FMC1: variants seen among roughly 807,000 people sequenced by gnomAD.
FMC1 encodes protein FMC1 homolog.
FMC1 carries 6 observed loss-of-function variants against 10.5 expected under a neutral mutation model. The observed-to-expected ratio is 0.57, with a 90% CI of 0.31 to 1.12. The LOEUF is 1.12. Ranked by LOEUF, FMC1 falls within the 50% of genes most tolerant of loss-of-function variation. The probability of loss-of-function intolerance (pLI) is 0.05; values close to 1 mark genes in which losing one functional copy is unlikely to be tolerated. For missense variants in FMC1, 146 were observed against 151.7 expected, an observed-to-expected ratio of 0.96 and a Z score of 0.20; for synonymous variants, 59 against 62.1, an observed-to-expected ratio of 0.95 and a Z score of 0.24.
chr7:139,341,035 C>T (rs931772180), upstream of FMC1: 7 of 223,210 alleles, frequency 3.1e-5, no homozygotes, highest in Non-Finnish European at 6.2e-5. Context: ...CAAATCCACA[C>T]CCACACCCCC....
At chr7:139,345,075 A>T in intron 1 of FMC1, 1 of 159,476 alleles carries the variant, frequency 6.3e-6, no homozygotes, top group South Asian at 1.7e-4. Context: ...ACAGAAATAT[A>T]AATAAAGCAG....
intron 1 of FMC1, among the ~76,000 whole-genome samples, chr7:139,345,147 G>C (rs6943973): frequency 0.39 from 58,936 of 151,966 alleles, 15,941 homozygotes; most frequent in African/African-American, 0.77. Flanking sequence ...CATTAATGAT[G>C]AGTGACCTAA....
At chr7:139,341,658 A>G in intron 1 of FMC1, 136 bp downstream of exon 1, 1 of 1,423,148 alleles carries the variant, frequency 7.0e-7, no homozygotes, top group Non-Finnish European at 9.3e-7. Flanking sequence ...GTTCTGACCA[A>G]ACCAACCCAG....
upstream of FMC1, chr7:139,340,593 G>C (rs1038649382): frequency 2.5e-6 from 1 of 397,522 alleles, no homozygotes. Flanking sequence ...CCTCACGTGG[G>C]CGCTAGGTGT....
chr7:139,345,442 T>C (rs1385014184), intron 1 of FMC1, 59 bp from the exon 2 acceptor site: 22 of 1,599,632 alleles, frequency 1.4e-5, no homozygotes, highest in African/African-American at 2.7e-5. Context: ...TATTAAATCT[T>C]TCTCTGTGGA....
chr7:139,343,546 C>G (rs992191684), intron 1 of FMC1, among the ~76,000 whole-genome samples: 6 of 152,116 alleles, frequency 3.9e-5, no homozygotes, highest in African/African-American at 1.2e-4. Flanking sequence ...TACCACTGCT[C>G]TCCAGCATAG....
At chr7:139,345,414 C>A in intron 1 of FMC1, 87 bp from the exon 2 acceptor site, 1 of 1,544,820 alleles carries the variant, frequency 6.5e-7, no homozygotes, top group African/African-American at 1.4e-5. Flanking sequence ...TTTACTTTCA[C>A]TCTAGTGAAT....
At chr7:139,341,301 G>A (rs559317376), upstream of FMC1, 4 of 1,527,678 alleles carry the variant, frequency 2.6e-6, no homozygotes, top group Non-Finnish European at 8.8e-7. Flanking sequence ...CTGTCCGACC[G>A]TACCATTAGG....
At chr7:139,342,545 G>T (rs116017787) in intron 1 of FMC1, among the ~76,000 whole-genome samples, 1,618 of 152,152 alleles carry the variant, frequency 0.011, 31 homozygotes, top group African/African-American at 0.037. Flanking sequence ...CTAAGATTGT[G>T]ATCACCTCCC....
upstream of FMC1, among the ~76,000 whole-genome samples, chr7:139,340,814 G>A (rs1798907746): frequency 6.6e-6 from 1 of 151,194 alleles, no homozygotes; most frequent in African/African-American, 2.4e-5. Context: ...TAAACAAAGC[G>A]AAATATGCCA....
At chr7:139,341,573 C>T in intron 1 of FMC1, 51 bp downstream of exon 1, 1 of 1,592,904 alleles carries the variant, frequency 6.3e-7, no homozygotes. Flanking sequence ...GGAGGAAGAG[C>T]CGGGTCTGGG....
At chr7:139,341,586 A>G (rs1798968271) in intron 1 of FMC1, 64 bp downstream of exon 1, 2 of 1,574,644 alleles carry the variant, frequency 1.3e-6, no homozygotes, top group African/African-American at 2.7e-5. Context: ...GGTCTGGGCT[A>G]GGGTGGGGAG....
intron 1 of FMC1, among the ~76,000 whole-genome samples, 194 bp downstream of exon 1, chr7:139,341,716 C>G (rs1798981107): frequency 6.7e-6 from 1 of 150,242 alleles, no homozygotes; most frequent in South Asian, 2.1e-4. Flanking sequence ...AAAGGACCAG[C>G]GGGGGGGGGC....
At chr7:139,344,071 A>C (rs2131141750) in intron 1 of FMC1, among the ~76,000 whole-genome samples, 1 of 152,174 alleles carries the variant, frequency 6.6e-6, no homozygotes, top group South Asian at 2.1e-4. Context: ...CCTTTCTCAC[A>C]GCCTTGAATA....
At chr7:139,340,958 C>T (rs947770838), upstream of FMC1, among the ~76,000 whole-genome samples, 2 of 152,080 alleles carry the variant, frequency 1.3e-5, no homozygotes, top group Admixed American at 6.6e-5. Flanking sequence ...GGGGAGACGT[C>T]AATACGTTGA....
intron 1 of FMC1, chr7:139,344,906 G>C (rs1799199650): frequency 6.7e-6 from 1 of 150,176 alleles, no homozygotes; most frequent in South Asian, 2.1e-4. Flanking sequence ...GCAGAGACAG[G>C]GTTTCACCGT....
chr7:139,341,141 G>C, upstream of FMC1: 2 of 492,918 alleles, frequency 4.1e-6, no homozygotes, highest in South Asian at 5.0e-5. Flanking sequence ...CCAAACCCTT[G>C]TTCTGGGTTA....
intron 1 of FMC1, among the ~76,000 whole-genome samples, chr7:139,343,926 CAAA>C (rs1163028006): frequency 4.8e-5 from 5 of 104,890 alleles, no homozygotes; most frequent in Non-Finnish European, 2.2e-5. Context: ...ACCCTGTCCC[CAAA>C]AAAAAAAAAA....
At position 139,346,312 on chromosome 7, in the gene FMC1, A is replaced by C. The variant is rs947194273; in HGVS notation, c.*608A>C. On this transcript the variant is annotated 3_prime_UTR_variant, in exon 2 of 2. Transcript: ENST00000297534. ...AAATGTTATAAACATAAAATAAAAG[A>C]AACCCTCTTTTCCTTTGTCCTTTTC... 1 of 152,212 alleles carries C rather than the reference A, an allele frequency of 6.6e-6. No individual in the cohort carries two copies. Among genetic ancestry groups the C allele is most frequent in the Non-Finnish European group, 1.5e-5 (1 of 68,060 alleles). 9.4% of individuals were successfully genotyped at this position (152,212 alleles called of 1,614,324 possible).
Sources: allele counts gnomAD v4.1 joint callset (sites outside exome capture counted in the v4.1 genomes callset), GRCh38; gene constraint gnomAD v4.1.1; transcripts MANE v1.5; gene names NCBI Gene and HGNC (gene_info 2026-07-23, HGNC 2026-07-21).